The following DLGAP2 variants were observed in gnomAD, a reference collection of about 807,000 sequenced individuals.
The protein encoded by DLGAP2 is DLG associated protein 2, also known as disks large-associated protein 2.
Under a neutral mutation model 100.3 loss-of-function variants are expected in DLGAP2, and 26 were observed. That is an observed-to-expected ratio of 0.26 (90% confidence interval 0.19 to 0.36). DLGAP2 has a LOEUF of 0.36. Among genes scored for constraint, DLGAP2 ranks in the 10% least tolerant of loss-of-function variants. The probability of loss-of-function intolerance (pLI) is 1.00; values close to 1 mark genes in which losing one functional copy is unlikely to be tolerated. For missense variants in DLGAP2, 1,858 were observed against 1,453.2 expected (o/e 1.28, Z -4.53); for synonymous variants, 886 against 630.1 (o/e 1.41, Z -6.08).
In DLGAP2 at chr8:1,172,290, G is replaced by A. The variant is rs945824807; in HGVS notation, c.74-86561G>A. 5.3e-5 allele frequency among the ~76,000 whole-genome samples: 8 copies of A among 152,254 alleles called. No individual in the cohort carries two copies. In the South Asian group the frequency reaches 8.3e-4, roughly 16 times the overall value. On this transcript the variant is annotated intron_variant, in intron 2 of 14. Transcript: ENST00000637795. ...ATGGGCTTCCCTTTGTGGGTAACCC[G>A]ACCTTTCTCTCTGGCTCTCCTTAAC...
At chr8:1,320,755 G>T (rs565642661) in intron 3 of DLGAP2, among the ~76,000 whole-genome samples, 1 of 152,292 alleles carries the variant, frequency 6.6e-6, no homozygotes, top group East Asian at 1.9e-4. Context: ...AACTCCTGCG[G>T]TCTTCCCCCA....
chr8:856,621 T>C (rs1016224528), intron 1 of DLGAP2, among the ~76,000 whole-genome samples: 5 of 152,190 alleles, frequency 3.3e-5, no homozygotes, highest in African/African-American at 7.2e-5. Flanking sequence ...CACAGAACCA[T>C]TTACATTAGT....
intron 2 of DLGAP2, among the ~76,000 whole-genome samples, chr8:1,107,955 C>G (rs1210152194): frequency 6.6e-6 from 1 of 152,204 alleles, no homozygotes; most frequent in Admixed American, 6.5e-5. Context: ...GTTGTGGACT[C>G]AGCTTTCCTT....
At chr8:1,160,053 C>T (rs1796860103) in intron 2 of DLGAP2, among the ~76,000 whole-genome samples, 1 of 152,228 alleles carries the variant, frequency 6.6e-6, no homozygotes, top group South Asian at 2.1e-4. Flanking sequence ...GTAAACTGAG[C>T]CCCCACGGCA....
chr8:914,493 T>G (rs1193742342), intron 2 of DLGAP2, among the ~76,000 whole-genome samples: 1 of 152,226 alleles, frequency 6.6e-6, no homozygotes, highest in East Asian at 1.9e-4. Context: ...GGTCTTTTAT[T>G]TCATGAGGCT....
intron 2 of DLGAP2, among the ~76,000 whole-genome samples, chr8:1,198,561 G>T (rs1797803170): frequency 6.6e-6 from 1 of 152,150 alleles, no homozygotes; most frequent in Admixed American, 6.5e-5. Context: ...ACTCAGGAGG[G>T]CCAGGTCCCA....
chr8:1,116,212 G>A (rs12386797), intron 2 of DLGAP2, among the ~76,000 whole-genome samples: 42,657 of 152,080 alleles, frequency 0.28, 6,791 homozygotes, highest in Non-Finnish European at 0.38. Context: ...TGAGAAGGGA[G>A]CAGGCCCTCC....
At chr8:1,102,180 T>C (rs933296332) in intron 2 of DLGAP2, among the ~76,000 whole-genome samples, 4 of 148,756 alleles carry the variant, frequency 2.7e-5, no homozygotes, top group Non-Finnish European at 5.9e-5. Context: ...TAATTTATAA[T>C]TATATATAAT....
intron 3 of DLGAP2, among the ~76,000 whole-genome samples, chr8:1,380,711 T>C (rs966520356): frequency 7.9e-5 from 12 of 152,184 alleles, no homozygotes; most frequent in Non-Finnish European, 1.2e-4. Flanking sequence ...CTTTGAAAAA[T>C]TCTTTAATTA....
intron 1 of DLGAP2, among the ~76,000 whole-genome samples, chr8:801,470 C>T (rs73181026): frequency 0.24 from 35,973 of 152,228 alleles, 5,140 homozygotes; most frequent in Admixed American, 0.43. Context: ...ATGGAGCATA[C>T]GTACTTTCAG....
chr8:1,501,533 C>A, intron 4 of DLGAP2, 102 bp downstream of exon 4: 4 of 1,166,678 alleles, frequency 3.4e-6, no homozygotes, highest in Non-Finnish European at 4.8e-6. Flanking sequence ...CACACGTTAG[C>A]ATGTTTAGAA....
chr8:1,136,833 C>T (rs1796425021), intron 2 of DLGAP2, among the ~76,000 whole-genome samples: 1 of 152,134 alleles, frequency 6.6e-6, no homozygotes, highest in South Asian at 2.1e-4. Flanking sequence ...CCAGAATGAC[C>T]ATTTTTAAAT....
intron 4 of DLGAP2, among the ~76,000 whole-genome samples, chr8:1,543,193 C>G (rs1021007253): frequency 2.0e-5 from 3 of 152,152 alleles, no homozygotes; most frequent in African/African-American, 7.2e-5. Context: ...AAGCATAAAA[C>G]TTTTTAATTT....
At chr8:1,617,247 A>G (rs1329207634) in intron 6 of DLGAP2, among the ~76,000 whole-genome samples, 1 of 152,224 alleles carries the variant, frequency 6.6e-6, no homozygotes, top group Non-Finnish European at 1.5e-5. Flanking sequence ...ATACACAATA[A>G]TGGGATTGCT....
chr8:949,407 A>G (rs1799418579), intron 2 of DLGAP2, among the ~76,000 whole-genome samples: 1 of 152,134 alleles, frequency 6.6e-6, no homozygotes, highest in Non-Finnish European at 1.5e-5. Context: ...GGGGCCGCCC[A>G]GGAGTGAATG....
intron 1 of DLGAP2, among the ~76,000 whole-genome samples, chr8:786,580 G>A (rs73539419): frequency 1.3e-5 from 2 of 151,978 alleles, no homozygotes; most frequent in South Asian, 2.1e-4. Context: ...AGCGCACTAC[G>A]CACAGTTCCC....
At chr8:1,105,469 TTC>T (rs1272217394) in intron 2 of DLGAP2, among the ~76,000 whole-genome samples, 3 of 152,130 alleles carry the variant, frequency 2.0e-5, no homozygotes, top group African/African-American at 7.2e-5. Flanking sequence ...TGGTCCGTGT[TTC>T]TCTGATGGTG....
At chr8:1,632,806 G>T (rs760904358) in intron 7 of DLGAP2, 21 bp from the exon 8 acceptor site, 81 of 1,586,680 alleles carry the variant, frequency 5.1e-5, no homozygotes, top group Non-Finnish European at 6.9e-5. Context: ...GGGGCATCAC[G>T]TGTGCTGTTG....
At chr8:786,319 T>C (rs1218765653) in intron 1 of DLGAP2, among the ~76,000 whole-genome samples, 1 of 152,052 alleles carries the variant, frequency 6.6e-6, no homozygotes, top group Non-Finnish European at 1.5e-5. Flanking sequence ...CCAGGAGCCA[T>C]GGTCCGGGCT....
Sources: gnomAD v4.1 joint callset for allele counts (sites outside exome capture counted in the v4.1 genomes callset) on GRCh38, gnomAD v4.1.1 for gene constraint, MANE v1.5 for transcripts, NCBI Gene and HGNC (gene_info 2026-07-23, HGNC 2026-07-21) for gene names.